ICOS: variants seen among roughly 807,000 people sequenced by gnomAD.
ICOS encodes inducible T cell costimulator.
A neutral mutation model predicts 24.6 loss-of-function variants in ICOS; 15 were observed. The observed-to-expected ratio is 0.61, with a 90% CI of 0.41 to 0.94. The LOEUF (loss-of-function observed/expected upper bound fraction) is 0.94. ICOS is among the 40% of genes least tolerant of loss of function. ICOS has a pLI of 0.00. For synonymous variants in ICOS, 89 were observed against 77.5 expected, an observed-to-expected ratio of 1.15 and a Z score of -0.78; for missense variants, 200 against 233.0, an observed-to-expected ratio of 0.86 and a Z score of 0.92.
At chr2:203,944,789 T>C (rs1022087872) in intron 1 of ICOS, among the ~76,000 whole-genome samples, 1 of 152,146 alleles carries the variant, frequency 6.6e-6, no homozygotes, top group Non-Finnish European at 1.5e-5. Context: ...CAAAGTATTA[T>C]TGGGAGCATA....
At chr2:203,951,595 G>A (rs1689974513) in intron 1 of ICOS, among the ~76,000 whole-genome samples, 1 of 152,242 alleles carries the variant, frequency 6.6e-6, no homozygotes, top group Middle Eastern at 3.4e-3. Context: ...TTGCCACAGT[G>A]CGGGCACAAT....
At chr2:203,939,333 A>G (rs979042042) in intron 1 of ICOS, among the ~76,000 whole-genome samples, 30 of 152,286 alleles carry the variant, frequency 2.0e-4, no homozygotes, top group African/African-American at 7.0e-4. Context: ...GCTGATTTCT[A>G]GTCTTTGATG....
chr2:203,938,434 A>G (rs1330016536), intron 1 of ICOS, among the ~76,000 whole-genome samples: 1 of 152,238 alleles, frequency 6.6e-6, no homozygotes, highest in Non-Finnish European at 1.5e-5. Context: ...GTGCCTGAGC[A>G]CAAAGAGGGA....
At chr2:203,941,282 TTCA>T (rs1454168003) in intron 1 of ICOS, among the ~76,000 whole-genome samples, 1 of 152,210 alleles carries the variant, frequency 6.6e-6, no homozygotes, top group Non-Finnish European at 1.5e-5. Context: ...CCCTTATTTT[TTCA>T]TCATTTGTGA....
chr2:203,957,831 T>G lies in ICOS; in HGVS notation c.534T>G (p.Gly178=). 6.2e-7 allele frequency: 1 copy of G among 1,613,394 alleles called. No homozygotes were observed. The highest frequency in any genetic ancestry group is 8.5e-7 in the Non-Finnish European group (1 of 1,179,474). Residue 178 remains glycine (G), a synonymous_variant, in exon 4 of 5, where the codon GGT becomes GGG. Coordinates refer to ENST00000316386, the MANE Select transcript of ICOS (RefSeq NM_012092.4). ...CATCCAGTGTGCACGACCCTAACGG[T>G]GAATACATGTTCATGAGAGCAGTGA... ...KYSSSVHDPN[G]EYMFMRAVNT...
At chr2:203,948,772 A>G (rs1439764911) in intron 1 of ICOS, among the ~76,000 whole-genome samples, 1 of 152,214 alleles carries the variant, frequency 6.6e-6, no homozygotes, top group African/African-American at 2.4e-5. Context: ...AAGAAGTGTC[A>G]TTACTCTTGA....
intron 1 of ICOS, among the ~76,000 whole-genome samples, chr2:203,944,173 G>A (rs1689830451): frequency 6.6e-6 from 1 of 152,176 alleles, no homozygotes; most frequent in East Asian, 1.9e-4. Flanking sequence ...TTCTTGCCCT[G>A]TTCAAATAGT....
chr2:203,958,693 T>A (rs1484990892), intron 4 of ICOS, among the ~76,000 whole-genome samples: 1 of 152,158 alleles, frequency 6.6e-6, no homozygotes, highest in African/African-American at 2.4e-5. Flanking sequence ...CTAAAAAGGA[T>A]CCTTGAGTTC....
chr2:203,956,038 T>A (rs1690073803), intron 2 of ICOS, 67 bp downstream of exon 2: 4 of 1,023,220 alleles, frequency 3.9e-6, no homozygotes, highest in Non-Finnish European at 5.9e-6. Context: ...TTCTCACTAA[T>A]AAAATCAATT....
chr2:203,951,162 C>T (rs1436307464), intron 1 of ICOS, among the ~76,000 whole-genome samples: 2 of 152,222 alleles, frequency 1.3e-5, no homozygotes, highest in Non-Finnish European at 2.9e-5. Flanking sequence ...AAAATTGAGG[C>T]ACGGCATTCC....
intron 1 of ICOS, among the ~76,000 whole-genome samples, chr2:203,955,375 T>G (rs1169682205): frequency 1.3e-5 from 2 of 152,154 alleles, no homozygotes; most frequent in Non-Finnish European, 2.9e-5. Flanking sequence ...ATACACACTA[T>G]GTAAATATAT....
chr2:203,952,059 T>C (rs1689987309), intron 1 of ICOS, among the ~76,000 whole-genome samples: 1 of 152,028 alleles, frequency 6.6e-6, no homozygotes, highest in Non-Finnish European at 1.5e-5. Context: ...TATAGAAAAG[T>C]GAAAAAAATG....
At position 203,961,002 on chromosome 2, in the gene ICOS, A is replaced by ACT. The variant is rs1690168960; in HGVS notation, c.*1403_*1404insCT. 1 of 152,190 alleles carries ACT rather than the reference A, an allele frequency of 6.6e-6. No individual in the cohort carries two copies. The highest frequency in any genetic ancestry group is 1.5e-5 in the Non-Finnish European group (1 of 68,048). 9.4% of individuals were successfully genotyped at this position (152,190 alleles called of 1,614,324 possible). A position where few individuals can be genotyped will look rare whatever the true frequency, so the allele number is the denominator to read the frequency against. On this transcript the variant is annotated 3_prime_UTR_variant, in exon 5 of 5. Transcript: ENST00000316386. The stretch of plus-strand genomic sequence containing the variant: ...ATGATTTGGCTAGAAAGATTCTTAA[A>ACT]TATGTGGAATATGATTATTCTTAGC...
intron 1 of ICOS, among the ~76,000 whole-genome samples, chr2:203,942,366 A>G (rs1201600412): frequency 2.6e-5 from 4 of 152,232 alleles, no homozygotes; most frequent in African/African-American, 9.6e-5. Context: ...ATTTACTTCT[A>G]TATGTGAATC....
intron 1 of ICOS, among the ~76,000 whole-genome samples, chr2:203,938,596 G>A (rs186492264): frequency 6.6e-6 from 1 of 152,142 alleles, no homozygotes; most frequent in Non-Finnish European, 1.5e-5. Flanking sequence ...TTCGTGGAAG[G>A]GTTTGTTTGT....
intron 1 of ICOS, among the ~76,000 whole-genome samples, chr2:203,938,256 T>C (rs567688840): frequency 3.8e-4 from 58 of 152,352 alleles, no homozygotes; most frequent in Admixed American, 7.2e-4. Context: ...AAGTCTTTCC[T>C]GTGCAAGTGG....
At chr2:203,941,804 T>C (rs1310491453) in intron 1 of ICOS, among the ~76,000 whole-genome samples, 1 of 152,198 alleles carries the variant, frequency 6.6e-6, no homozygotes, top group African/African-American at 2.4e-5. Context: ...GGAACTTAAG[T>C]ATGTAGGGGA....
chr2:203,957,755 G>A (rs369607883), intron 3 of ICOS, 44 bp from the exon 4 acceptor site: 27 of 1,371,218 alleles, frequency 2.0e-5, no homozygotes, highest in Middle Eastern at 1.8e-4. Flanking sequence ...CAAAGAGATG[G>A]AGAAGAAAAG....
At chr2:203,936,916 T>A in intron 1 of ICOS, 44 bp downstream of exon 1, 1 of 1,418,276 alleles carries the variant, frequency 7.1e-7, no homozygotes, top group Non-Finnish European at 9.9e-7. Context: ...ATAATTCAAG[T>A]AAACATTAAG....
Sources: gnomAD v4.1 joint callset for allele counts (sites outside exome capture counted in the v4.1 genomes callset) on GRCh38, gnomAD v4.1.1 for gene constraint, MANE v1.5 for transcripts, NCBI Gene and HGNC (gene_info 2026-07-23, HGNC 2026-07-21) for gene names.